The following WWOX variants were observed in gnomAD, a reference collection of about 807,000 sequenced individuals.
The protein encoded by WWOX is WW domain-containing oxidoreductase.
WWOX carries 69 observed loss-of-function variants against 46.2 expected under a neutral mutation model. The ratio of observed to expected loss-of-function variants is 1.49; its 90% CI spans 1.23 to 1.82. The LOEUF is 1.82. Ranked by LOEUF, WWOX falls within the 40% of genes most tolerant of loss-of-function variation. The pLI is 0.00. For synonymous variants in WWOX, 359 were observed against 202.6 expected (o/e 1.77, Z -6.56); for missense variants, 919 against 542.6 (o/e 1.69, Z -6.89).
intron 8 of WWOX, among the ~76,000 whole-genome samples, chr16:78,850,024 A>G (rs2052402135): frequency 6.6e-6 from 1 of 152,076 alleles, no homozygotes; most frequent in Non-Finnish European, 1.5e-5. Context: ...GTGAGCCGAG[A>G]CAATGCCATT....
rs567291588 is a variant in WWOX, at chr16:78,605,724, G to A, written c.1056+172972G>A. Among the ~76,000 whole-genome samples the A allele has an allele frequency of 2.7e-3, 409 of 152,278 alleles. 3 individuals carry two copies. The highest frequency in any genetic ancestry group is 0.02 in the Middle Eastern group (6 of 294). On this transcript the variant is annotated intron_variant, in intron 8 of 8. Transcript: ENST00000566780. ...ATATTCCTGAGTGTCTACAGATGAT[G>A]AAAATAGCCAGTTATCTTTGCCCTT...
At chr16:78,306,633 C>T (rs984737096) in intron 5 of WWOX, among the ~76,000 whole-genome samples, 2 of 152,054 alleles carry the variant, frequency 1.3e-5, no homozygotes, top group South Asian at 2.1e-4. Context: ...CCCAGTGAGC[C>T]CAACTCCTTA....
At chr16:79,135,612 A>G (rs986908641) in intron 8 of WWOX, among the ~76,000 whole-genome samples, 1 of 152,218 alleles carries the variant, frequency 6.6e-6, no homozygotes, top group African/African-American at 2.4e-5. Context: ...ATTGTGGACC[A>G]ATGAGATGTA....
chr16:79,012,067 A>G (rs1189624232), intron 8 of WWOX, among the ~76,000 whole-genome samples: 1 of 152,274 alleles, frequency 6.6e-6, no homozygotes, highest in East Asian at 1.9e-4. Flanking sequence ...GTCAAAGCCA[A>G]CAGTGGAAGC....
chr16:78,663,204 T>C (rs1406045113), intron 8 of WWOX, among the ~76,000 whole-genome samples: 1 of 152,238 alleles, frequency 6.6e-6, no homozygotes, highest in African/African-American at 2.4e-5. Context: ...ACTTTGTTTC[T>C]ATGACTTTAC....
intron 8 of WWOX, among the ~76,000 whole-genome samples, chr16:79,024,228 A>G (rs2047591957): frequency 2.0e-5 from 3 of 152,058 alleles, no homozygotes; most frequent in African/African-American, 7.2e-5. Flanking sequence ...TGAACTGTAC[A>G]CTTTAAGTGG....
At chr16:78,269,586 C>G (rs1460464051) in intron 5 of WWOX, among the ~76,000 whole-genome samples, 2 of 152,212 alleles carry the variant, frequency 1.3e-5, no homozygotes, top group Non-Finnish European at 2.9e-5. Context: ...CCATCCTCAT[C>G]AAAAGCTCTA....
intron 8 of WWOX, chr16:79,203,685 A>C (rs773136443): frequency 6.6e-6 from 1 of 152,166 alleles, no homozygotes; most frequent in African/African-American, 2.4e-5. Context: ...TTGCAGGCAG[A>C]CTTCGTAGAG....
At chr16:78,670,008 G>C (rs1178546711) in intron 8 of WWOX, among the ~76,000 whole-genome samples, 1 of 152,042 alleles carries the variant, frequency 6.6e-6, no homozygotes, top group Non-Finnish European at 1.5e-5. Context: ...GCTGTTATTT[G>C]GCTCGTTTTT....
chr16:78,617,596 G>A (rs1342107917), intron 8 of WWOX, among the ~76,000 whole-genome samples: 3 of 152,140 alleles, frequency 2.0e-5, no homozygotes. Flanking sequence ...AGGAAAGCAG[G>A]TGATGATCCC....
chr16:78,982,801 T>C (rs2046709057), intron 8 of WWOX, among the ~76,000 whole-genome samples: 1 of 152,218 alleles, frequency 6.6e-6, no homozygotes, highest in African/African-American at 2.4e-5. Flanking sequence ...TTCTAAAATA[T>C]ATTTTATTTA....
At chr16:78,825,460 G>A (rs555660350) in intron 8 of WWOX, 4 of 411,460 alleles carry the variant, frequency 9.7e-6, no homozygotes, top group Middle Eastern at 9.1e-4. Context: ...TGTTCCTGGT[G>A]AGAACAGCCA....
intron 8 of WWOX, among the ~76,000 whole-genome samples, chr16:78,596,739 T>A (rs1258041919): frequency 1.3e-5 from 2 of 152,148 alleles, no homozygotes; most frequent in African/African-American, 4.8e-5. Context: ...GCCCTTTCAT[T>A]AAGTGAACGA....
At chr16:79,044,687 G>A (rs1231978631) in intron 8 of WWOX, among the ~76,000 whole-genome samples, 1 of 152,200 alleles carries the variant, frequency 6.6e-6, no homozygotes, top group Non-Finnish European at 1.5e-5. Context: ...ATTCTTTATA[G>A]CAATGCAAGA....
intron 8 of WWOX, among the ~76,000 whole-genome samples, chr16:78,735,852 T>TCTAGATACAGTCTATGAAAATGACTTTC (rs370818387): frequency 6.6e-6 from 1 of 152,064 alleles, no homozygotes; most frequent in Non-Finnish European, 1.5e-5. Flanking sequence ...CTTTCTGCTC[T>TCTAGATACAGTCTATGAAAATGACTTTC]CTGCAACAGG....
intron 8 of WWOX, among the ~76,000 whole-genome samples, chr16:78,449,379 A>G (rs1324396288): frequency 1.3e-5 from 2 of 152,160 alleles, no homozygotes; most frequent in Admixed American, 6.5e-5. Context: ...TTAAAGGGGA[A>G]AGGATTTCAC....
At chr16:78,874,292 G>A (rs1383979302) in intron 8 of WWOX, among the ~76,000 whole-genome samples, 1 of 151,840 alleles carries the variant, frequency 6.6e-6, no homozygotes, top group Non-Finnish European at 1.5e-5. Context: ...GAGCCGCCAG[G>A]AAAGGAGGCC....
rs539185959 is a variant in WWOX at position 79,022,089 on chromosome 16, G to T, written c.1057-189519G>T. On this transcript the variant is annotated intron_variant, in intron 8 of 8. Transcript: ENST00000566780. The stretch of plus-strand genomic sequence containing the variant: ...AGATGGGGATGCCAAGTACCCTCTG[G>T]GCAGAGGAAACCATGAGTGCAGAGG... Among the ~76,000 whole-genome samples the T allele has an allele frequency of 2.6e-5, 4 of 152,302 alleles. No individual in the cohort carries two copies. The South Asian group carries it at 8.3e-4, about 32-fold the overall frequency.
intron 8 of WWOX, among the ~76,000 whole-genome samples, chr16:78,687,338 G>T (rs970450160): frequency 6.6e-6 from 1 of 152,152 alleles, no homozygotes; most frequent in Non-Finnish European, 1.5e-5. Flanking sequence ...TTAAAGCATT[G>T]TACCTATCGA....
Sources: allele counts gnomAD v4.1 joint callset (sites outside exome capture counted in the v4.1 genomes callset), GRCh38; gene constraint gnomAD v4.1.1; transcripts MANE v1.5; gene names NCBI Gene and HGNC (gene_info 2026-07-23, HGNC 2026-07-21).